ANKZF1: variants seen among roughly 807,000 people sequenced by gnomAD.
ANKZF1 encodes the protein ankyrin repeat and zinc finger peptidyl tRNA hydrolase 1.
ANKZF1 carries 84 observed loss-of-function variants against 86.0 expected under a neutral mutation model. That is an observed-to-expected ratio of 0.98 (90% CI 0.82 to 1.17). The LOEUF is 1.17. Among genes scored for constraint, ANKZF1 ranks in the 50% most tolerant of loss-of-function variants. The pLI is 0.00. For missense variants in ANKZF1, 893 were observed against 918.4 expected (o/e 0.97, Z 0.36); for synonymous variants, 331 against 354.2 (o/e 0.93, Z 0.74).
chr2:219,233,510 G>A, intron 7 of ANKZF1, 77 bp downstream of exon 7: 1 of 1,484,384 alleles, frequency 6.7e-7, no homozygotes, highest in African/African-American at 1.4e-5. Flanking sequence ...TGTTAAGTAG[G>A]GAGGTTTTTG....
chr2:219,231,901 A>C, intron 2 of ANKZF1, 27 bp from the exon 3 acceptor site: 1 of 1,591,864 alleles, frequency 6.3e-7, no homozygotes, highest in Non-Finnish European at 8.6e-7. Context: ...CTCCCTTTCT[A>C]TGTCCAATTC....
chr2:219,235,524 G>A lies in ANKZF1; in HGVS notation c.1742G>A (p.Arg581His), dbSNP rs533375568. The part of the protein sequence containing the change: ...PYTVAADKST[R>H]NEFRRFMEKN... Reference sequence around the variant, plus strand: ...ACTGTTGCGGCTGACAAATCAACACGTAATGAGTTCCGAAGGTTCATGGAG... The same window carrying A: ...ACTGTTGCGGCTGACAAATCAACACATAATGAGTTCCGAAGGTTCATGGAG... The change falls in exon 11 of 14, where the codon CGT (arginine) becomes CAT (histidine). Residue 581 changes from arginine (R) to histidine (H), a missense_variant. Arg to His is a conservative substitution (Grantham distance 29). Coordinates refer to ENST00000323348, the MANE Select transcript of ANKZF1 (RefSeq NM_018089.3). 1.1e-5 allele frequency: 17 copies of A among 1,614,014 alleles called. No homozygotes were observed. The highest frequency in any genetic ancestry group is 6.7e-5 in the African/African-American group (5 of 74,974).
rs1427661468 is a variant in ANKZF1, at chr2:219,235,561, T to G, written c.1779T>G (p.Asp593Glu). 2 of 1,613,934 alleles carry G rather than the reference T, an allele frequency of 1.2e-6. No individual in the cohort carries two copies. Among genetic ancestry groups the G allele is most frequent in the African/African-American group, 1.3e-5 (1 of 74,890 alleles). ...GAAGGTTCATGGAGAAGAATCCAGA[T>G]GCCTACGATTACAACAAGGCTCAGG... is the stretch of plus-strand genomic sequence containing the variant. ...EFRRFMEKNP[D>E]AYDYNKAQVP... The change falls in exon 11 of 14, where the codon GAT becomes GAG. Residue 593 changes from aspartate (D) to glutamate (E), a missense_variant. Coordinates refer to ENST00000323348, the MANE Select transcript of ANKZF1 (RefSeq NM_018089.3).
chr2:219,233,967 A>G (rs778341020), intron 8 of ANKZF1, 24 bp downstream of exon 8: 3 of 1,549,854 alleles, frequency 1.9e-6, no homozygotes, highest in Admixed American at 4.0e-5. Flanking sequence ...CCAGATCCCA[A>G]TTCCCTAGAC....
rs1951093457 is a variant in ANKZF1, at chr2:219,233,198, G to C, written c.671+7G>C. ...CTGGTGCTATATTTCAAGGGTGAGA[G>C]GGTGCTGCATGGGGGTAAGGATGGA... On this transcript the variant is annotated splice_region_variant and intron_variant, in intron 6 of 13. Transcript: ENST00000323348. 1.2e-6 allele frequency: 2 copies of C among 1,614,114 alleles called. No homozygotes were observed. Among genetic ancestry groups the C allele is most frequent in the Non-Finnish European group, 1.7e-6 (2 of 1,180,038 alleles).
chr2:219,233,529 C>A, intron 7 of ANKZF1, 96 bp downstream of exon 7: 2 of 1,454,462 alleles, frequency 1.4e-6, no homozygotes, highest in Non-Finnish European at 1.8e-6. Flanking sequence ...TGACTCATAT[C>A]CTTCCAATTT....
At chr2:219,232,927 C>A in intron 5 of ANKZF1, 152 bp from the exon 6 acceptor site, 2 of 868,148 alleles carry the variant, frequency 2.3e-6, no homozygotes, top group East Asian at 2.5e-5. Context: ...ATCTTGACTG[C>A]CTCGCCAAGC....
chr2:219,230,278 AG>A lies in ANKZF1; in HGVS notation c.22del (p.Ala8ProfsTer22). The A allele has an allele frequency of 6.2e-7, 1 of 1,613,636 alleles. No individual in the cohort carries two copies. On this transcript the variant is annotated frameshift_variant, in exon 2 of 14. Coordinates refer to ENST00000323348, the MANE Select transcript of ANKZF1 (RefSeq NM_018089.3). LOFTEE classifies it high-confidence loss of function. ...CAGCCATGTCGCCGGCTCCAGATGCAGCCCCGGCTCCTGCGTCGATCTCCCT... is the reference window on the plus strand; with the variant it reads ...CAGCCATGTCGCCGGCTCCAGATGCACCCCGGCTCCTGCGTCGATCTCCCT... MSPAPDA[A>X]PAPASISLFD...
chr2:219,236,550 G>C lies in ANKZF1; in HGVS notation c.*105G>C. On this transcript the variant is annotated 3_prime_UTR_variant, in exon 14 of 14. Transcript: ENST00000323348. ...TGAAACCAGAGATGATTTGGAAGAT[G>C]GGGGTGAAGGACACTCGGGAACTAG... 1 of 1,429,550 alleles carries C rather than the reference G, an allele frequency of 7.0e-7. No homozygotes were observed. The highest frequency in any genetic ancestry group is 1.4e-5 in the African/African-American group (1 of 70,144). The allele number at this position is 1,429,550 out of a possible 1,614,324, so 88.6% of individuals were successfully genotyped here. A position where few individuals can be genotyped will look rare whatever the true frequency, so the allele number is the denominator to read the frequency against.
chr2:219,236,421 T>C lies in ANKZF1; in HGVS notation c.2157T>C (p.Arg719=), dbSNP rs1231822992. Residue 719 remains arginine, a synonymous_variant, in exon 14 of 14, where the codon CGT becomes CGC. Coordinates refer to ENST00000323348, the MANE Select transcript of ANKZF1 (RefSeq NM_018089.3). ...CACGTTGCCTCCAGGATCATCGCCGTCAGGCAGGGAGGCCCTCTTCCTGAT... is the reference window on the plus strand; with the variant it reads ...CACGTTGCCTCCAGGATCATCGCCGCCAGGCAGGGAGGCCCTCTTCCTGAT... ...CSTRCLQDHR[R]QAGRPSS 6.2e-7 allele frequency: 1 copy of C among 1,609,924 alleles called. No homozygotes were observed. Among genetic ancestry groups the C allele is most frequent in the South Asian group, 1.1e-5 (1 of 90,540 alleles).
chr2:219,236,399 G>C lies in ANKZF1; in HGVS notation c.2135G>C (p.Arg712Pro), dbSNP rs781354105. The change falls in exon 14 of 14, where the codon CGT (arginine) becomes CCT (proline). Residue 712 changes from arginine to proline, a missense_variant. Physicochemically the swap from Arg to Pro is moderately radical, Grantham distance 103. Transcript: ENST00000323348. ...CTCGACTTCTCTTTCTGCTCCACAC[G>C]TTGCCTCCAGGATCATCGCCGTCAG... ...HYLDFSFCST[R>P]CLQDHRRQAG... 1.9e-6 allele frequency: 3 copies of C among 1,613,402 alleles called. No individual in the cohort carries two copies. Among genetic ancestry groups the C allele is most frequent in the South Asian group, 2.2e-5 (2 of 91,014 alleles).
At chr2:219,230,187 C>A in intron 1 of ANKZF1, 41 bp from the exon 2 acceptor site, 1 of 1,551,016 alleles carries the variant, frequency 6.4e-7, no homozygotes, top group Non-Finnish European at 8.8e-7. Flanking sequence ...AGTAGGATCT[C>A]GTTTGCAGGA....
At chr2:219,230,051 G>A in intron 1 of ANKZF1, 151 bp downstream of exon 1, 1 of 515,896 alleles carries the variant, frequency 1.9e-6, no homozygotes, top group Non-Finnish European at 3.4e-6. Flanking sequence ...TCTTTTGTGG[G>A]CTGAGACTGG....
At position 219,234,178 on chromosome 2, in the gene ANKZF1, A is replaced by T; in HGVS notation, c.1094A>T (p.His365Leu). 6.8e-6 allele frequency: 11 copies of T among 1,614,156 alleles called. No individual in the cohort carries two copies. Among genetic ancestry groups the T allele is most frequent in the Non-Finnish European group, 9.3e-6 (11 of 1,180,034 alleles). The change falls in exon 9 of 14, where the codon CAC becomes CTC. Residue 365 changes from histidine to leucine, a missense_variant. Transcript: ENST00000323348. ...GTCAGACTGCACTCACCTCAGACAC[A>T]CTGGAAAACAGTAAGAGAGGAGAGA... ...EAVRLHSPQT[H>L]WKTVREERKK...
intron 11 of ANKZF1, 28 bp from the exon 12 acceptor site, chr2:219,235,680 A>G: frequency 6.2e-7 from 1 of 1,613,270 alleles, no homozygotes; most frequent in Non-Finnish European, 8.5e-7. Flanking sequence ...AAGATAACTT[A>G]TAGGGTCTTA....
chr2:219,236,016 C>A lies in ANKZF1; in HGVS notation c.1978C>A (p.Leu660Met). The A allele has an allele frequency of 1.2e-6, 2 of 1,614,216 alleles. No homozygotes were observed. The highest frequency in any genetic ancestry group is 1.7e-6 in the Non-Finnish European group (2 of 1,180,044). Reference sequence around the variant, plus strand: ...CACAACTTGTCTCCCTCAGAGAGCTCTGGCTGCAGAGCGCCGACTCGCTGC... The same window carrying A: ...CACAACTTGTCTCCCTCAGAGAGCTATGGCTGCAGAGCGCCGACTCGCTGC... ...AALSDREKRA[L>M]AAERRLAAQL... Residue 660 changes from leucine (L) to methionine (M), a missense_variant, in exon 13 of 14, where the codon CTG (leucine) becomes ATG (methionine). Leu to Met is a conservative substitution (Grantham distance 15). Coordinates refer to ENST00000323348, the MANE Select transcript of ANKZF1 (RefSeq NM_018089.3).
In ANKZF1 at chr2:219,233,737, G is replaced by C. The variant is rs751470856; in HGVS notation, c.842G>C (p.Gly281Ala). Residue 281 changes from glycine to alanine, a missense_variant, in exon 8 of 14, where the codon GGG (glycine) becomes GCG (alanine). Physicochemically the swap from Gly to Ala is moderately conservative, Grantham distance 60. Coordinates refer to ENST00000323348, the MANE Select transcript of ANKZF1 (RefSeq NM_018089.3). ...LYKDVRDLLA[G>A]PSWAKALEEA... ...TAGGATGTTCGTGACCTGCTGGCAGGGCCAAGCTGGGCTAAGGCGCTGGAG... is the reference window on the plus strand; with the variant it reads ...TAGGATGTTCGTGACCTGCTGGCAGCGCCAAGCTGGGCTAAGGCGCTGGAG... 2 of 1,613,380 alleles carry C rather than the reference G, an allele frequency of 1.2e-6. No homozygotes were observed. The highest frequency in any genetic ancestry group is 1.7e-6 in the Non-Finnish European group (2 of 1,179,766).
chr2:219,233,765 G>A lies in ANKZF1; in HGVS notation c.870G>A (p.Glu290=). 6.2e-7 allele frequency: 1 copy of A among 1,614,136 alleles called. No individual in the cohort carries two copies. The highest frequency in any genetic ancestry group is 8.5e-7 in the Non-Finnish European group (1 of 1,180,044). Residue 290 remains glutamate, a synonymous_variant, in exon 8 of 14, where the codon GAG becomes GAA. Coordinates refer to ENST00000323348, the MANE Select transcript of ANKZF1 (RefSeq NM_018089.3). ...AGPSWAKALE[E]AGTILLRAPR... The stretch of plus-strand genomic sequence containing the variant: ...CAAGCTGGGCTAAGGCGCTGGAGGA[G>A]GCTGGTACAATACTGTTGCGTGCTC...
rs879192784 is a variant in ANKZF1, at chr2:219,232,350, C to T, written c.352C>T (p.Gln118Ter). 6.2e-7 allele frequency: 1 copy of T among 1,614,204 alleles called. No homozygotes were observed. Among genetic ancestry groups the T allele is most frequent in the Non-Finnish European group, 8.5e-7 (1 of 1,180,018 alleles). The change falls in exon 4 of 14, where the codon CAG (glutamine) becomes TAG (stop). Residue 118 changes from glutamine (Q) to a stop codon, truncating the protein, a stop_gained. Coordinates refer to ENST00000323348, the MANE Select transcript of ANKZF1 (RefSeq NM_018089.3). LOFTEE classifies it high-confidence loss of function. The part of the protein sequence containing the change: ...PLLSALDFEK[Q>*]SSTGDLSSIS... ...CCTGTCTGCCCTGGACTTTGAAAAG[C>T]AGAGCTCCACAGGTGATGAGTGGTA...
Sources: allele counts gnomAD v4.1 joint callset, GRCh38; gene constraint gnomAD v4.1.1; transcripts MANE v1.5; gene names NCBI Gene and HGNC (gene_info 2026-07-23, HGNC 2026-07-21).